ARHGAP40: variants seen among roughly 807,000 people sequenced by gnomAD.
ARHGAP40 encodes the protein Rho GTPase activating protein 40.
A neutral mutation model predicts 73.5 loss-of-function variants in ARHGAP40; 43 were observed. That is an observed-to-expected ratio of 0.58 (90% CI 0.46 to 0.75). ARHGAP40 has a LOEUF of 0.75. ARHGAP40 is among the 30% of genes least tolerant of loss of function. The probability of loss-of-function intolerance (pLI) is 0.00; values close to 1 mark genes in which losing one functional copy is unlikely to be tolerated. For synonymous variants in ARHGAP40, 300 were observed against 352.8 expected (o/e 0.85, Z 1.68); for missense variants, 734 against 861.8 (o/e 0.85, Z 1.86).
In ARHGAP40 at chr20:38,602,025, C is replaced by T. The variant is rs778330696; in HGVS notation, c.83C>T (p.Pro28Leu). The change falls in exon 1 of 15, where the codon CCG becomes CTG. Residue 28 changes from proline (P) to leucine (L), a missense_variant. Physicochemically the swap from Pro to Leu is moderately conservative, Grantham distance 98. Coordinates refer to ENST00000373345, the Ensembl canonical transcript of ARHGAP40. ...CTAGCCTCACCGTGTCCTCGGATCC[C>T]GCGGGCCCGCATTGCCAGGCGCTGC... is the stretch of plus-strand genomic sequence containing the variant. 1.6e-6 allele frequency: 2 copies of T among 1,287,494 alleles called. No homozygotes were observed. Among genetic ancestry groups the T allele is most frequent in the Admixed American group, 2.3e-5 (1 of 43,530 alleles). 79.8% of individuals were successfully genotyped at this position (1,287,494 alleles called of 1,614,324 possible).
At chr20:38,610,691 C>G (rs2088799290) in intron 1 of ARHGAP40, among the ~76,000 whole-genome samples, 1 of 152,136 alleles carries the variant, frequency 6.6e-6, no homozygotes, top group Non-Finnish European at 1.5e-5. Flanking sequence ...AGGAGTGAAG[C>G]TTCGTCTAAA....
chr20:38,648,820 G>A (rs1353310327), intron 14 of ARHGAP40, 122 bp downstream of exon 14: 1 of 702,992 alleles, frequency 1.4e-6, no homozygotes, highest in Non-Finnish European at 2.1e-6. Flanking sequence ...CCTCCCTTCA[G>A]GTCTCTGTCT....
At chr20:38,616,311 A>G (rs2088838576) in intron 1 of ARHGAP40, among the ~76,000 whole-genome samples, 2 of 152,160 alleles carry the variant, frequency 1.3e-5, no homozygotes, top group African/African-American at 4.8e-5. Context: ...GACAATCTCA[A>G]TTCATTGCTC....
intron 1 of ARHGAP40, among the ~76,000 whole-genome samples, chr20:38,608,619 G>C (rs1476247801): frequency 6.6e-6 from 1 of 152,202 alleles, no homozygotes; most frequent in Non-Finnish European, 1.5e-5. Flanking sequence ...CCCAGACAGT[G>C]TGACTTCAGG....
chr20:38,621,066 G>A (rs62203402), intron 1 of ARHGAP40, among the ~76,000 whole-genome samples: 5,298 of 152,188 alleles, frequency 0.035, 117 homozygotes, highest in Non-Finnish European at 0.054. Flanking sequence ...CCATGGAGCC[G>A]GCCCTAGGTC....
exon 5 of ARHGAP40, chr20:38,629,515 G>C: frequency 7.7e-7 from 1 of 1,305,402 alleles, no homozygotes; most frequent in Non-Finnish European, 1.0e-6. Context: ...CAGAGCCTGG[G>C]GGGCTGCAGG....
chr20:38,605,723 A>G (rs1322047525), intron 1 of ARHGAP40, among the ~76,000 whole-genome samples: 1 of 152,242 alleles, frequency 6.6e-6, no homozygotes, highest in Non-Finnish European at 1.5e-5. Flanking sequence ...TTTGTGCTTC[A>G]TAAATATTTA....
At chr20:38,629,782 G>T in intron 5 of ARHGAP40, 132 bp downstream of exon 5, 2 of 1,031,036 alleles carry the variant, frequency 1.9e-6, no homozygotes, top group South Asian at 3.2e-5. Context: ...CATTTAATTC[G>T]TACCACAAAT....
exon 3 of ARHGAP40, chr20:38,627,068 T>A (rs903404178): frequency 7.7e-7 from 1 of 1,305,212 alleles, no homozygotes; most frequent in African/African-American, 1.5e-5. Flanking sequence ...GCTTGGATGG[T>A]GATCACCAGG....
chr20:38,636,454 A>G (rs1396115507), intron 6 of ARHGAP40, among the ~76,000 whole-genome samples: 1 of 151,838 alleles, frequency 6.6e-6, no homozygotes, highest in Non-Finnish European at 1.5e-5. Context: ...GTAGAGATGC[A>G]GTATTTTTAT....
chr20:38,640,302 G>A (rs1601149098), intron 9 of ARHGAP40, among the ~76,000 whole-genome samples: 1 of 147,270 alleles, frequency 6.8e-6, no homozygotes, highest in South Asian at 2.1e-4. Context: ...CTGCAGCCTT[G>A]AACTCTTGGG....
intron 9 of ARHGAP40, among the ~76,000 whole-genome samples, chr20:38,641,282 C>T (rs964282190): frequency 1.3e-5 from 2 of 152,158 alleles, no homozygotes; most frequent in African/African-American, 4.8e-5. Flanking sequence ...TACCTACCTC[C>T]TCTCCCCGGA....
rs183261992 is a variant in ARHGAP40 at position 38,642,002 on chromosome 20, C to T, written c.1362+194C>T. ...GATGAGTCCTGAAAGGGGATAGTCC[C>T]GGAGTGGGCACTGCAGAGCGTCAGT... On this transcript the variant is annotated intron_variant, in intron 10 of 14. Transcript: ENST00000373345. 4.6e-5 allele frequency among the ~76,000 whole-genome samples: 7 copies of T among 152,254 alleles called. No individual in the cohort carries two copies. The South Asian group carries it at 1.0e-3, about 23-fold the overall frequency.
chr20:38,638,932 A>G, intron 8 of ARHGAP40, 94 bp downstream of exon 8: 1 of 1,134,734 alleles, frequency 8.8e-7, no homozygotes, highest in Non-Finnish European at 1.2e-6. Flanking sequence ...CTGACTCGCC[A>G]GTGATCTGTC....
intron 1 of ARHGAP40, among the ~76,000 whole-genome samples, chr20:38,608,563 A>G (rs2088786615): frequency 6.6e-6 from 1 of 152,130 alleles, no homozygotes; most frequent in South Asian, 2.1e-4. Flanking sequence ...ACTATCACAC[A>G]ATCACCCTGA....
In ARHGAP40 at chr20:38,649,802, G is replaced by A. The variant is rs200034668; in HGVS notation, c.1982G>A (p.Arg661His). 367 of 1,305,210 alleles carry A rather than the reference G, an allele frequency of 2.8e-4. 1 individual carries two copies. The African/African-American group carries it at 4.5e-3, about 16-fold the overall frequency. 80.9% of individuals were successfully genotyped at this position (1,305,210 alleles called of 1,614,324 possible). Residue 661 changes from arginine (R) to histidine (H), a missense_variant, in exon 15 of 15, where the codon CGT (arginine) becomes CAT (histidine). Physicochemically the swap from Arg to His is conservative, Grantham distance 29 (BLOSUM62 0). Coordinates refer to ENST00000373345, the Ensembl canonical transcript of ARHGAP40. Reference sequence around the variant, plus strand: ...GATGCCTACCTCTTAGATCTGTACCGTGCCAACCCGCATGGTGAGTGGGTC... The same window carrying A: ...GATGCCTACCTCTTAGATCTGTACCATGCCAACCCGCATGGTGAGTGGGTC...
intron 3 of ARHGAP40, 147 bp downstream of exon 3, chr20:38,627,362 G>GTGTGTGTGTTGC: frequency 1.4e-6 from 1 of 704,010 alleles, no homozygotes; most frequent in Non-Finnish European, 2.1e-6. Context: ...ATGTGTGTTG[G>GTGTGTGTGTTGC]TGTCTGTGTG....
rs191112252 is a variant in ARHGAP40, at chr20:38,608,700, C to T, written c.137+6621C>T. Among the ~76,000 whole-genome samples, 64 of 152,078 alleles carry T rather than the reference C, an allele frequency of 4.2e-4. No individual in the cohort carries two copies. The East Asian group carries it at 0.011, about 26-fold the overall frequency. ...CAAATTTAGTGGCCCTAATTTGGGC[C>T]GTTGGGGCGGTGAAAAAGGGCCACA... On this transcript the variant is annotated intron_variant, in intron 1 of 14. Transcript: ENST00000373345.
At chr20:38,648,602 A>G (rs574094960) in intron 13 of ARHGAP40, 41 bp from the exon 14 acceptor site, 2 of 1,291,892 alleles carry the variant, frequency 1.5e-6, no homozygotes, top group Middle Eastern at 2.1e-4. Context: ...TTCCAGAAGA[A>G]AAAGGCAGTA....
Sources: gnomAD v4.1 joint callset for allele counts (sites outside exome capture counted in the v4.1 genomes callset) on GRCh38, gnomAD v4.1.1 for gene constraint, MANE v1.5 for transcripts, NCBI Gene and HGNC (gene_info 2026-07-23, HGNC 2026-07-21) for gene names.